Variants in DPP6 observed in about 807,000 individuals in gnomAD.
DPP6 encodes dipeptidyl peptidase like 6.
In DPP6, 69 loss-of-function variants were observed where a neutral mutation model predicts 122.6. The ratio of observed to expected loss-of-function variants is 0.56; its 90% CI spans 0.46 to 0.69. DPP6 has a LOEUF of 0.69. Among genes scored for constraint, DPP6 ranks in the 30% least tolerant of loss-of-function variants. DPP6 has a pLI of 0.00. For missense variants in DPP6, 928 were observed against 1,116.9 expected, an observed-to-expected ratio of 0.83 and a Z score of 2.41; for synonymous variants, 418 against 433.1, an observed-to-expected ratio of 0.97 and a Z score of 0.43.
chr7:154,375,966 C>G (rs577121280), intron 1 of DPP6, among the ~76,000 whole-genome samples: 3 of 152,320 alleles, frequency 2.0e-5, no homozygotes, highest in African/African-American at 7.2e-5. Flanking sequence ...AGGGGCCCAG[C>G]TAGGTCAGTG....
chr7:154,870,338 C>A (rs994124901), intron 18 of DPP6, among the ~76,000 whole-genome samples: 2 of 152,126 alleles, frequency 1.3e-5, no homozygotes, highest in Non-Finnish European at 2.9e-5. Flanking sequence ...GGCATGGTGG[C>A]TTATGCCTGG....
chr7:154,617,213 G>A (rs766495482), intron 5 of DPP6, among the ~76,000 whole-genome samples: 1 of 152,316 alleles, frequency 6.6e-6, no homozygotes, highest in Non-Finnish European at 1.5e-5. Context: ...ACCCAGCTTT[G>A]AGGACAGAAG....
intron 1 of DPP6, among the ~76,000 whole-genome samples, chr7:154,186,508 G>A (rs1320045188): frequency 6.6e-6 from 1 of 152,212 alleles, no homozygotes; most frequent in African/African-American, 2.4e-5. Context: ...AGGCCCCAGG[G>A]GCCCCTTGGC....
intron 1 of DPP6, among the ~76,000 whole-genome samples, chr7:154,382,002 T>C (rs1384304885): frequency 6.6e-6 from 1 of 151,880 alleles, no homozygotes; most frequent in East Asian, 1.9e-4. Context: ...CCAGGGAAAT[T>C]ACATGCAAAC....
At chr7:153,846,869 A>T in the DPP6 span, among the ~76,000 whole-genome samples, 3 of 149,304 alleles carry the variant, frequency 2.0e-5, no homozygotes, top group African/African-American at 7.4e-5. Flanking sequence ...ATTTCTTTGT[A>T]TTTTTTTTTA....
chr7:154,770,918 T>C (rs1796213307), intron 9 of DPP6, among the ~76,000 whole-genome samples: 1 of 152,232 alleles, frequency 6.6e-6, no homozygotes, highest in African/African-American at 2.4e-5. Context: ...CCATGCTGGC[T>C]TCTGGCTTCA....
intron 1 of DPP6, among the ~76,000 whole-genome samples, chr7:154,119,251 C>T (rs1293482352): frequency 2.0e-5 from 3 of 152,150 alleles, no homozygotes; most frequent in Non-Finnish European, 4.4e-5. Flanking sequence ...TGGAGGTTTT[C>T]ATCGTGTAAC....
chr7:154,520,569 T>A (rs1385783106), intron 3 of DPP6, among the ~76,000 whole-genome samples: 2 of 152,264 alleles, frequency 1.3e-5, no homozygotes, highest in African/African-American at 4.8e-5. Context: ...GTTGATGTAA[T>A]CTTTGGTCAA....
At chr7:153,958,899 T>C (rs1279052622) in intron 1 of DPP6, among the ~76,000 whole-genome samples, 1 of 151,236 alleles carries the variant, frequency 6.6e-6, no homozygotes, top group African/African-American at 2.4e-5. Context: ...TGGCAAGCGC[T>C]TGGAACACAG....
chr7:154,035,300 A>AAAATAAGT lies in DPP6; in HGVS notation c.51+147570_51+147577dup, dbSNP rs1275831415. Among the ~76,000 whole-genome samples the AAAATAAGT allele has an allele frequency of 6.6e-5, 10 of 152,380 alleles. No homozygotes were observed. The East Asian group carries it at 1.9e-3, about 29-fold the overall frequency. Reference sequence around the variant, plus strand: ...TGTAATGGGTTCACTTTAAGACTTGAAAATAAGTAAAGCGAATAAGTTACA... The same window carrying AAAATAAGT: ...TGTAATGGGTTCACTTTAAGACTTGAAAATAAGTAAATAAGTAAAGCGAATAAGTTACA... On this transcript the variant is annotated intron_variant, in intron 1 of 25. Coordinates refer to the DPP6 transcript ENST00000404039.
At chr7:154,344,570 A>G (rs552767372) in intron 1 of DPP6, among the ~76,000 whole-genome samples, 2 of 152,290 alleles carry the variant, frequency 1.3e-5, no homozygotes, top group East Asian at 1.9e-4. Context: ...TACTGCTACC[A>G]GCTGTACCAG....
At chr7:153,900,019 G>A (rs949106542) in intron 1 of DPP6, among the ~76,000 whole-genome samples, 2 of 152,132 alleles carry the variant, frequency 1.3e-5, no homozygotes, top group African/African-American at 2.4e-5. Context: ...ATGATGTGAC[G>A]CTGGACCTGC....
intron 5 of DPP6, among the ~76,000 whole-genome samples, chr7:154,623,637 ACACACG>A (rs1834864247): frequency 6.9e-6 from 1 of 145,764 alleles, no homozygotes; most frequent in Non-Finnish European, 1.5e-5. Context: ...ACATGCGTGC[ACACACG>A]CGCACACACG....
chr7:154,082,101 A>G (rs1175096319), intron 1 of DPP6, among the ~76,000 whole-genome samples: 1 of 152,186 alleles, frequency 6.6e-6, no homozygotes, highest in East Asian at 1.9e-4. Context: ...GCACAGGGGC[A>G]GCGGGTTCCA....
the DPP6 span, among the ~76,000 whole-genome samples, chr7:153,793,818 G>A: frequency 0.023 from 2,914 of 128,262 alleles, no homozygotes; most frequent in African/African-American, 0.066. Flanking sequence ...GGGACTTGGT[G>A]CCCTGTGTCC....
intron 1 of DPP6, among the ~76,000 whole-genome samples, chr7:154,245,134 G>A (rs1450965278): frequency 1.3e-5 from 2 of 151,002 alleles, no homozygotes; most frequent in Non-Finnish European, 3.0e-5. Flanking sequence ...TATTTTTTTG[G>A]TAGAGATGGG....
At chr7:154,312,632 G>T (rs1374257201) in intron 1 of DPP6, among the ~76,000 whole-genome samples, 2 of 152,300 alleles carry the variant, frequency 1.3e-5, no homozygotes, top group Admixed American at 6.5e-5. Context: ...GGGCAGAGGG[G>T]GCGATGGGAG....
intron 1 of DPP6, among the ~76,000 whole-genome samples, chr7:153,924,178 C>T (rs1053981269): frequency 2.6e-5 from 4 of 151,730 alleles, no homozygotes; most frequent in South Asian, 4.2e-4. Context: ...TGCAATGGCG[C>T]GATCCCTGTG....
At chr7:154,646,795 A>G (rs1293612045) in intron 6 of DPP6, among the ~76,000 whole-genome samples, 1 of 152,180 alleles carries the variant, frequency 6.6e-6, no homozygotes, top group Non-Finnish European at 1.5e-5. Flanking sequence ...AAAAGTGGCG[A>G]AAGAGGCTGC....
Sources: gnomAD v4.1 joint callset for allele counts (sites outside exome capture counted in the v4.1 genomes callset) on GRCh38, gnomAD v4.1.1 for gene constraint, MANE v1.5 for transcripts, NCBI Gene and HGNC (gene_info 2026-07-23, HGNC 2026-07-21) for gene names.